The following NLGN1 variants were observed in gnomAD, a reference collection of about 807,000 sequenced individuals.
NLGN1 encodes the protein neuroligin-1.
Under a neutral mutation model 65.5 loss-of-function variants are expected in NLGN1, and 12 were observed. That is an observed-to-expected ratio of 0.18 (90% CI 0.12 to 0.30). The LOEUF (loss-of-function observed/expected upper bound fraction) is 0.30, where lower values mean the gene tolerates loss of function less well. Ranked by LOEUF, NLGN1 falls within the 10% of genes least tolerant of loss-of-function variation. The pLI is 1.00. For synonymous variants in NLGN1, 350 were observed against 359.5 expected (o/e 0.97, Z 0.30); for missense variants, 750 against 1,007.1 (o/e 0.74, Z 3.46).
chr3:173,516,342 C>T (rs537448372), intron 2 of NLGN1, among the ~76,000 whole-genome samples: 1 of 152,138 alleles, frequency 6.6e-6, no homozygotes, highest in Non-Finnish European at 1.5e-5. Flanking sequence ...TCTAGCTCCA[C>T]CTTTTCATAT....
chr3:173,606,453 G>C (rs3853391), intron 3 of NLGN1, among the ~76,000 whole-genome samples: 24,470 of 151,818 alleles, frequency 0.16, 2,193 homozygotes, highest in Middle Eastern at 0.27. Flanking sequence ...TTTTGACCTT[G>C]TTCATAACTT....
chr3:174,157,769 A>G (rs1294267191), intron 4 of NLGN1, among the ~76,000 whole-genome samples: 1 of 151,840 alleles, frequency 6.6e-6, no homozygotes, highest in Non-Finnish European at 1.5e-5. Flanking sequence ...AGAAGCAAGG[A>G]AAGAGTTCTG....
intron 4 of NLGN1, among the ~76,000 whole-genome samples, chr3:174,021,119 A>G (rs1379087451): frequency 1.3e-5 from 2 of 151,850 alleles, no homozygotes; most frequent in Non-Finnish European, 2.9e-5. Flanking sequence ...CTGGCAAACT[A>G]ATGGTTGAGG....
At chr3:173,535,092 G>A (rs201397818) in intron 2 of NLGN1, among the ~76,000 whole-genome samples, 13 of 152,134 alleles carry the variant, frequency 8.5e-5, no homozygotes, top group East Asian at 5.8e-4. Context: ...GAATGAAAAC[G>A]GATAGATTAA....
intron 2 of NLGN1, among the ~76,000 whole-genome samples, chr3:173,460,976 T>C (rs2148887723): frequency 6.6e-6 from 1 of 152,260 alleles, no homozygotes; most frequent in East Asian, 1.9e-4. Flanking sequence ...AGTCTATTTC[T>C]GTGATTACAT....
At position 173,914,280 on chromosome 3, in the gene NLGN1, A is replaced by G. The variant is rs189045993; in HGVS notation, c.646+106448A>G. Among the ~76,000 whole-genome samples, 232 of 151,582 alleles carry G rather than the reference A, an allele frequency of 1.5e-3. 1 individual carries two copies. The highest frequency in any genetic ancestry group is 6.8e-3 in the Middle Eastern group (2 of 292). ...TGAAGGAAGCCTCTGCCCCACTACA[A>G]CCTCTCACATTCACTTTGCCTCTTC... On this transcript the variant is annotated intron_variant, in intron 4 of 6. Transcript: ENST00000457714.
intron 2 of NLGN1, among the ~76,000 whole-genome samples, chr3:173,460,302 A>G (rs372240594): frequency 6.6e-6 from 1 of 152,264 alleles, no homozygotes; most frequent in East Asian, 1.9e-4. Flanking sequence ...CTTCATAACT[A>G]ATACTACCCA....
chr3:173,958,991 G>A (rs528081959), intron 4 of NLGN1, among the ~76,000 whole-genome samples: 13 of 152,334 alleles, frequency 8.5e-5, no homozygotes, highest in African/African-American at 3.1e-4. Context: ...CAAAGCAAGT[G>A]TCAGGAGCAG....
At chr3:173,458,411 C>G (rs1014019670) in intron 2 of NLGN1, among the ~76,000 whole-genome samples, 31 of 151,980 alleles carry the variant, frequency 2.0e-4, no homozygotes, top group African/African-American at 7.5e-4. Flanking sequence ...GTATCTCACC[C>G]TAAAGACGAT....
intron 3 of NLGN1, among the ~76,000 whole-genome samples, chr3:173,806,244 G>C (rs918618124): frequency 2.0e-5 from 3 of 152,120 alleles, no homozygotes; most frequent in Non-Finnish European, 4.4e-5. Context: ...TTCTTCATTT[G>C]AAGATATCAC....
intron 2 of NLGN1, among the ~76,000 whole-genome samples, chr3:173,467,493 T>C (rs924095949): frequency 6.6e-6 from 1 of 152,126 alleles, no homozygotes; most frequent in African/African-American, 2.4e-5. Context: ...GGTCAAACCT[T>C]GCCTGCAGAA....
At chr3:174,241,629 A>C (rs1186102286) in intron 4 of NLGN1, among the ~76,000 whole-genome samples, 1 of 148,904 alleles carries the variant, frequency 6.7e-6, no homozygotes, top group African/African-American at 2.5e-5. Context: ...ATAAATCCCT[A>C]CCCCCCAACA....
At position 173,416,042 on chromosome 3, in the gene NLGN1, A is replaced by G; in HGVS notation, c.-390+17555A>G. 1.3e-5 allele frequency among the ~76,000 whole-genome samples: 2 copies of G among 152,048 alleles called. 1 individual carries two copies. The highest frequency in any genetic ancestry group is 2.9e-5 in the Non-Finnish European group (2 of 67,990). ...TTGGTTGACACCACTGAGTTTATTT[A>G]TCTTGGAAATGATAGATTCATGAGC... is the stretch of plus-strand genomic sequence containing the variant. On this transcript the variant is annotated intron_variant, in intron 1 of 6. Coordinates refer to ENST00000457714, the Ensembl canonical transcript of NLGN1.
intron 4 of NLGN1, among the ~76,000 whole-genome samples, chr3:173,854,844 C>T (rs921351447): frequency 1.9e-4 from 29 of 152,074 alleles, no homozygotes; most frequent in Non-Finnish European, 4.1e-4. Context: ...ACTTACATCT[C>T]TCATTACATC....
intron 3 of NLGN1, chr3:173,644,140 A>G (rs1757856903): frequency 6.6e-6 from 1 of 152,312 alleles, no homozygotes; most frequent in South Asian, 2.1e-4. Flanking sequence ...GAGAGGGGCC[A>G]ATGTCCACTG....
At chr3:174,269,776 TA>T (rs1307298893) in intron 4 of NLGN1, among the ~76,000 whole-genome samples, 1 of 151,930 alleles carries the variant, frequency 6.6e-6, no homozygotes, top group Non-Finnish European at 1.5e-5. Context: ...CTATTTTTGA[TA>T]AGGGTTACAT....
chr3:173,470,939 C>T (rs1187474231), intron 2 of NLGN1, among the ~76,000 whole-genome samples: 2 of 152,192 alleles, frequency 1.3e-5, no homozygotes, highest in East Asian at 1.9e-4. Flanking sequence ...ATCTCAAAGT[C>T]ACACAATTTA....
At chr3:173,497,249 C>T (rs375150492) in intron 2 of NLGN1, among the ~76,000 whole-genome samples, 13 of 151,590 alleles carry the variant, frequency 8.6e-5, no homozygotes, top group Middle Eastern at 3.4e-3. Context: ...CTAGGCATGG[C>T]GGTATGCTCC....
At chr3:174,094,734 C>T (rs1175218294) in intron 4 of NLGN1, among the ~76,000 whole-genome samples, 1 of 133,390 alleles carries the variant, frequency 7.5e-6, no homozygotes, top group Non-Finnish European at 1.5e-5. Context: ...GCTCATTGTT[C>T]CTTGGCTCCG....
Sources: allele counts gnomAD v4.1 joint callset (sites outside exome capture counted in the v4.1 genomes callset), GRCh38; gene constraint gnomAD v4.1.1; transcripts MANE v1.5; gene names NCBI Gene and HGNC (gene_info 2026-07-23, HGNC 2026-07-21).